Variants in MEF2C observed in about 807,000 individuals in gnomAD.
The protein encoded by MEF2C is myocyte enhancer factor 2C, also known as myocyte-specific enhancer factor 2C.
In MEF2C, 6 loss-of-function variants were observed where a neutral mutation model predicts 50.5. The ratio of observed to expected loss-of-function variants is 0.12; its 90% CI spans 0.07 to 0.23. The LOEUF (loss-of-function observed/expected upper bound fraction) is 0.23. MEF2C is among the 10% of genes least tolerant of loss of function. MEF2C has a pLI of 1.00. For missense variants in MEF2C, 276 were observed against 605.0 expected, an observed-to-expected ratio of 0.46 and a Z score of 5.70; for synonymous variants, 183 against 228.0, an observed-to-expected ratio of 0.80 and a Z score of 1.78.
intron 2 of MEF2C, chr5:88,819,267 T>G (rs1807101789): frequency 1.2e-6 from 1 of 848,078 alleles, no homozygotes; most frequent in Non-Finnish European, 1.4e-6. Flanking sequence ...CATCATGACA[T>G]AATTTTAAAA....
intron 1 of MEF2C, among the ~76,000 whole-genome samples, chr5:88,832,913 AT>A (rs1467974254): frequency 2.6e-5 from 4 of 152,150 alleles, no homozygotes; most frequent in Non-Finnish European, 5.9e-5. Context: ...GGATTAGAAC[AT>A]ATCTGTTCAT....
chr5:88,809,517 G>C (rs184408308), intron 2 of MEF2C, among the ~76,000 whole-genome samples: 68 of 152,060 alleles, frequency 4.5e-4, no homozygotes, highest in Non-Finnish European at 2.9e-5. Context: ...ACAAAAAAAA[G>C]TCATTTAATT....
At chr5:88,741,162 C>G (rs1226452494) in intron 6 of MEF2C, 1 of 985,276 alleles carries the variant, frequency 1.0e-6, no homozygotes, top group Non-Finnish European at 1.2e-6. Context: ...TCTGTGAAGC[C>G]TACTGGTGTG....
At chr5:88,726,408 TA>T (rs1004284713) in intron 10 of MEF2C, among the ~76,000 whole-genome samples, 9 of 152,080 alleles carry the variant, frequency 5.9e-5, no homozygotes, top group Non-Finnish European at 1.0e-4. Context: ...TGGGATTTTT[TA>T]AAAAAACAGT....
intron 2 of MEF2C, among the ~76,000 whole-genome samples, chr5:88,820,178 A>T (rs912154473): frequency 2.6e-4 from 40 of 152,086 alleles, no homozygotes; most frequent in African/African-American, 9.1e-4. Context: ...TGTTATTTTT[A>T]CATACTTGCT....
chr5:88,866,077 T>G (rs985911599), intron 1 of MEF2C, among the ~76,000 whole-genome samples: 1 of 152,088 alleles, frequency 6.6e-6, no homozygotes. Context: ...TTGTATTTTT[T>G]AGTAGAGACG....
chr5:88,859,175 CA>C (rs2153417440), intron 1 of MEF2C, among the ~76,000 whole-genome samples: 1 of 152,212 alleles, frequency 6.6e-6, no homozygotes, highest in South Asian at 2.1e-4. Context: ...GAGAAAATAA[CA>C]AGCATTTAAA....
intron 3 of MEF2C, among the ~76,000 whole-genome samples, chr5:88,792,936 G>T (rs1447919878): frequency 1.3e-5 from 2 of 152,128 alleles, no homozygotes; most frequent in Non-Finnish European, 2.9e-5. Flanking sequence ...TTATATGTCT[G>T]TCTTTCCTGT....
At chr5:88,758,893 T>C (rs1419430819) in intron 4 of MEF2C, among the ~76,000 whole-genome samples, 1 of 152,208 alleles carries the variant, frequency 6.6e-6, no homozygotes, top group African/African-American at 2.4e-5. Context: ...GCTGAAATCC[T>C]GTGAGGGAAT....
intron 2 of MEF2C, among the ~76,000 whole-genome samples, chr5:88,810,861 A>T (rs139012614): frequency 1.3e-5 from 2 of 152,256 alleles, no homozygotes; most frequent in African/African-American, 4.8e-5. Flanking sequence ...CCAGTAGGTG[A>T]TAAGAGTCTA....
intron 1 of MEF2C, among the ~76,000 whole-genome samples, chr5:88,833,563 G>A (rs904892347): frequency 3.9e-5 from 6 of 152,094 alleles, no homozygotes; most frequent in Non-Finnish European, 7.4e-5. Context: ...GAAACTCTAC[G>A]TACTCGACTC....
At chr5:88,737,641 G>C in intron 6 of MEF2C, 2 of 985,348 alleles carry the variant, frequency 2.0e-6, no homozygotes, top group Non-Finnish European at 2.4e-6. Context: ...AGAGTGAACA[G>C]GAATTTATCA....
At chr5:88,755,149 T>G (rs1580151922) in intron 4 of MEF2C, among the ~76,000 whole-genome samples, 1 of 152,180 alleles carries the variant, frequency 6.6e-6, no homozygotes, top group Non-Finnish European at 1.5e-5. Flanking sequence ...CCTACTCTAC[T>G]TCTTATTATA....
chr5:88,799,870 T>TCACACACA (rs60340884), intron 3 of MEF2C, among the ~76,000 whole-genome samples: 7 of 107,412 alleles, frequency 6.5e-5, no homozygotes, highest in South Asian at 3.1e-4. Context: ...TCTCTCTCTC[T>TCACACACA]CACACACACA....
chr5:88,846,065 C>T (rs183616926), intron 1 of MEF2C, among the ~76,000 whole-genome samples: 1 of 150,942 alleles, frequency 6.6e-6, no homozygotes, highest in East Asian at 2.0e-4. Context: ...ATATATACTT[C>T]AAGTCTTTTT....
chr5:88,733,159 TCA>T (rs1243870947), intron 6 of MEF2C: 1 of 985,152 alleles, frequency 1.0e-6, no homozygotes, highest in Non-Finnish European at 1.2e-6. Flanking sequence ...AATAAAAGAT[TCA>T]CAGAAGAGGC....
chr5:88,840,771 A>G (rs1247435771), intron 1 of MEF2C, among the ~76,000 whole-genome samples: 2 of 152,196 alleles, frequency 1.3e-5, no homozygotes, highest in Non-Finnish European at 2.9e-5. Context: ...TAATGACTAA[A>G]TTATTTAATT....
Position 88,805,280 on chromosome 5 carries a change from G to T in MEF2C, c.55-479C>A, listed in dbSNP as rs1344485214. 2.0e-5 allele frequency among the ~76,000 whole-genome samples: 3 copies of T among 152,162 alleles called. No individual in the cohort carries two copies. In the South Asian group the frequency reaches 6.2e-4, roughly 32 times the overall value. Reference sequence around the variant, plus strand: ...TAATTGAAAACACTTGAAGGGATATGACTGTGATCTCAGACGATGTTGTAT... The same window carrying T: ...TAATTGAAAACACTTGAAGGGATATTACTGTGATCTCAGACGATGTTGTAT... On this transcript the variant is annotated intron_variant, in intron 2 of 10. Coordinates refer to ENST00000504921, the MANE Select transcript of MEF2C (RefSeq NM_002397.5).
At chr5:88,898,936 C>T (rs1665943210) in intron 1 of MEF2C, among the ~76,000 whole-genome samples, 1 of 152,082 alleles carries the variant, frequency 6.6e-6, no homozygotes, top group South Asian at 2.1e-4. Context: ...AACACTGTTT[C>T]TTGTTCCAAC....
Sources: allele counts gnomAD v4.1 joint callset (sites outside exome capture counted in the v4.1 genomes callset), GRCh38; gene constraint gnomAD v4.1.1; transcripts MANE v1.5; gene names NCBI Gene and HGNC (gene_info 2026-07-23, HGNC 2026-07-21).